Variants in MYO1D observed in about 807,000 individuals in gnomAD.
MYO1D encodes unconventional myosin-Id.
MYO1D carries 83 observed loss-of-function variants against 122.0 expected under a neutral mutation model. The observed-to-expected ratio is 0.68, with a 90% CI of 0.57 to 0.82. The LOEUF is 0.82. Among genes scored for constraint, MYO1D ranks in the 40% least tolerant of loss-of-function variants. The pLI is 0.00. For synonymous variants in MYO1D, 464 were observed against 446.9 expected (o/e 1.04, Z -0.48); for missense variants, 1,157 against 1,269.5 (o/e 0.91, Z 1.35).
chr17:32,752,166 A>G (rs577547746), intron 11 of MYO1D, among the ~76,000 whole-genome samples: 1 of 152,308 alleles, frequency 6.6e-6, no homozygotes, highest in African/African-American at 2.4e-5. Context: ...TGACAAAAAT[A>G]AACAATGGAG....
chr17:32,602,327 G>T (rs2087571630), intron 21 of MYO1D, among the ~76,000 whole-genome samples: 1 of 152,120 alleles, frequency 6.6e-6, no homozygotes, highest in Admixed American at 6.5e-5. Context: ...TCTTTGACTG[G>T]ATGTCAGACA....
chr17:32,574,999 A>G (rs546916425), intron 21 of MYO1D, among the ~76,000 whole-genome samples: 1 of 152,344 alleles, frequency 6.6e-6, no homozygotes, highest in Non-Finnish European at 1.5e-5. Flanking sequence ...GATAAATAAG[A>G]CAGTTTATGT....
chr17:32,643,478 G>C (rs969736430), intron 19 of MYO1D, among the ~76,000 whole-genome samples: 12 of 152,242 alleles, frequency 7.9e-5, no homozygotes, highest in African/African-American at 2.9e-4. Flanking sequence ...CTATTGATTG[G>C]AATAGTTTCA....
intron 10 of MYO1D, among the ~76,000 whole-genome samples, chr17:32,757,370 G>A (rs948755018): frequency 1.3e-5 from 2 of 152,092 alleles, no homozygotes; most frequent in South Asian, 4.1e-4. Flanking sequence ...TGGGGTAGGG[G>A]TGCTACTGTC....
Position 32,872,841 on chromosome 17 carries a change from C to T in MYO1D, c.95+3937G>A, listed in dbSNP as rs796835896. Among the ~76,000 whole-genome samples the T allele has an allele frequency of 3.0e-3, 452 of 151,850 alleles. 2 individuals are homozygous for T. The highest frequency in any genetic ancestry group is 0.011 in the African/African-American group (438 of 41,392). On this transcript the variant is annotated intron_variant, in intron 1 of 21. Coordinates refer to ENST00000318217, the MANE Select transcript of MYO1D (RefSeq NM_015194.3). Reference sequence around the variant, plus strand: ...CCTCCCGAGTAGCTGGGACTACAGGCGCCCGCCACCGCGCCCGGCTAATTT... The same window carrying T: ...CCTCCCGAGTAGCTGGGACTACAGGTGCCCGCCACCGCGCCCGGCTAATTT...
At chr17:32,760,739 T>G in intron 8 of MYO1D, 112 bp from the exon 9 acceptor site, 1 of 1,122,002 alleles carries the variant, frequency 8.9e-7, no homozygotes, top group Non-Finnish European at 1.3e-6. Context: ...AGCATAGCCA[T>G]TACTGGCCTC....
At chr17:32,554,666 T>C (rs1025642192) in intron 21 of MYO1D, among the ~76,000 whole-genome samples, 2 of 152,082 alleles carry the variant, frequency 1.3e-5, no homozygotes, top group South Asian at 4.1e-4. Context: ...TATCTGCAAG[T>C]AGTGTAAATG....
chr17:32,814,146 C>A (rs146625199), intron 1 of MYO1D, among the ~76,000 whole-genome samples: 1 of 152,108 alleles, frequency 6.6e-6, no homozygotes, highest in Admixed American at 6.6e-5. Context: ...GAGATCGAGA[C>A]CATCCTGGTC....
intron 20 of MYO1D, among the ~76,000 whole-genome samples, 181 bp from the exon 21 acceptor site, chr17:32,605,422 C>T (rs2087615252): frequency 6.6e-6 from 1 of 152,024 alleles, no homozygotes; most frequent in Admixed American, 6.6e-5. Context: ...TAACGAGACA[C>T]CATCCCTAAA....
chr17:32,868,465 G>GCCATTGCAAACTTTCATCCTTGCC (rs2091149274), intron 1 of MYO1D, among the ~76,000 whole-genome samples: 1 of 152,010 alleles, frequency 6.6e-6, no homozygotes, highest in Non-Finnish European at 1.5e-5. Flanking sequence ...CCTAGTTTGC[G>GCCATTGCAAACTTTCATCCTTGCC]CCATTGCAAA....
intron 1 of MYO1D, among the ~76,000 whole-genome samples, chr17:32,814,327 A>G (rs1269063799): frequency 1.3e-5 from 2 of 152,254 alleles, no homozygotes; most frequent in Non-Finnish European, 2.9e-5. Context: ...CTGGCGACAG[A>G]GCAAGACTCC....
intron 20 of MYO1D, among the ~76,000 whole-genome samples, chr17:32,633,916 C>T (rs1008651916): frequency 5.9e-5 from 9 of 152,154 alleles, no homozygotes; most frequent in Non-Finnish European, 8.8e-5. Flanking sequence ...TCCCTTATCA[C>T]CTTCTATGGA....
chr17:32,764,716 C>T (rs905166550), intron 8 of MYO1D, among the ~76,000 whole-genome samples, 162 bp downstream of exon 8: 3 of 152,186 alleles, frequency 2.0e-5, no homozygotes, highest in African/African-American at 7.2e-5. Context: ...TGCTTACTTA[C>T]ATCTGGGAGT....
At chr17:32,834,561 C>T (rs1322057936) in intron 1 of MYO1D, among the ~76,000 whole-genome samples, 1 of 152,224 alleles carries the variant, frequency 6.6e-6, no homozygotes, top group Non-Finnish European at 1.5e-5. Context: ...GTCCAACTCT[C>T]CAACTCCACT....
intron 15 of MYO1D, among the ~76,000 whole-genome samples, chr17:32,716,039 T>C (rs1224195920): frequency 2.6e-5 from 4 of 151,522 alleles, no homozygotes; most frequent in African/African-American, 9.8e-5. Context: ...CATACATCAG[T>C]CAGAGTAGTT....
intron 17 of MYO1D, among the ~76,000 whole-genome samples, chr17:32,655,550 C>T (rs968396794): frequency 2.6e-4 from 39 of 152,076 alleles, no homozygotes; most frequent in African/African-American, 8.9e-4. Context: ...GCTGGTCATA[C>T]GGAGACCTGC....
chr17:32,738,269 T>C lies in MYO1D; in HGVS notation c.1730A>G (p.Asp577Gly). 1.2e-6 allele frequency: 2 copies of C among 1,604,844 alleles called. No homozygotes were observed. Among genetic ancestry groups the C allele is most frequent in the Non-Finnish European group, 1.7e-6 (2 of 1,176,038 alleles). ...AATAATTACCTTTGATGCAAGGTTG[T>C]CTACTAGAGCAATCATAGAATTCTT... ...LFKNSMIALVDNLASKEPYYV... is the reference protein window; with the variant it reads ...LFKNSMIALVGNLASKEPYYV... The change falls in exon 14 of 22, where the codon GAC becomes GGC. Residue 577 changes from aspartate to glycine, a missense_variant. Transcript: ENST00000318217.
At chr17:32,736,383 C>A (rs2089701124) in intron 14 of MYO1D, among the ~76,000 whole-genome samples, 1 of 152,210 alleles carries the variant, frequency 6.6e-6, no homozygotes, top group Admixed American at 6.5e-5. Context: ...GTGTGTCAAA[C>A]TTCCAGGAAG....
At chr17:32,747,554 C>T (rs958323293) in intron 12 of MYO1D, among the ~76,000 whole-genome samples, 10 of 151,954 alleles carry the variant, frequency 6.6e-5, no homozygotes, top group South Asian at 2.1e-4. Flanking sequence ...AGAGGCAGAG[C>T]GGCCAGGCTC....
Sources: allele counts gnomAD v4.1 joint callset (sites outside exome capture counted in the v4.1 genomes callset), GRCh38; gene constraint gnomAD v4.1.1; transcripts MANE v1.5; gene names NCBI Gene and HGNC (gene_info 2026-07-23, HGNC 2026-07-21).